The following SLX4IP variants were observed in gnomAD, a reference collection of about 807,000 sequenced individuals.
SLX4IP encodes the protein protein SLX4IP.
Under a neutral mutation model 32.9 loss-of-function variants are expected in SLX4IP, and 34 were observed. The observed-to-expected ratio is 1.03, with a 90% confidence interval of 0.79 to 1.38. SLX4IP has a LOEUF of 1.38. Ranked by LOEUF, SLX4IP falls within the 40% of genes most tolerant of loss-of-function variation. The pLI is 0.00. For synonymous variants in SLX4IP, 172 were observed against 171.7 expected (o/e 1.00, Z -0.01); for missense variants, 444 against 479.0 (o/e 0.93, Z 0.68).
intron 2 of SLX4IP, among the ~76,000 whole-genome samples, chr20:10,488,058 T>C (rs1276000133): frequency 2.9e-5 from 3 of 103,088 alleles, no homozygotes; most frequent in Admixed American, 1.0e-4. Context: ...CTGTCATGCA[T>C]TGGGAGACCT....
intron 2 of SLX4IP, among the ~76,000 whole-genome samples, chr20:10,545,679 T>A (rs2066156327): frequency 6.6e-6 from 1 of 152,168 alleles, no homozygotes; most frequent in Non-Finnish European, 1.5e-5. Flanking sequence ...TTATTTTACC[T>A]ATAAACAAAT....
chr20:10,491,759 C>T (rs1039328658), intron 2 of SLX4IP, among the ~76,000 whole-genome samples: 5 of 152,096 alleles, frequency 3.3e-5, no homozygotes, highest in Non-Finnish European at 7.4e-5. Context: ...CATTGTTCAA[C>T]GTAATAGTAT....
rs1198456634 is a variant in SLX4IP at position 10,556,320 on chromosome 20, G to A, written c.117G>A (p.Glu39=). ...GCTGGTTTTCTGAACAGAAGAAAGA[G>A]GTACAACAAAACTTTCTACTATTTA... The part of the protein sequence containing the change: ...DTSWFSEQKK[E]EVCLLLKETI... Residue 39 remains glutamate, a splice_region_variant and synonymous_variant, in exon 3 of 8, where the codon GAG becomes GAA. Coordinates refer to ENST00000334534, the MANE Select transcript of SLX4IP (RefSeq NM_001009608.3). 6.2e-7 allele frequency: 1 copy of A among 1,611,798 alleles called. No homozygotes were observed. Among genetic ancestry groups the A allele is most frequent in the Non-Finnish European group, 8.5e-7 (1 of 1,179,290 alleles).
chr20:10,471,462 G>A (rs139244763), intron 2 of SLX4IP, among the ~76,000 whole-genome samples: 2,184 of 152,352 alleles, frequency 0.014, 13 homozygotes, highest in Non-Finnish European at 0.023. Flanking sequence ...GATGAGCCCA[G>A]TAATTTTTTT....
At chr20:10,511,450 G>A (rs371364553) in intron 2 of SLX4IP, among the ~76,000 whole-genome samples, 3 of 152,322 alleles carry the variant, frequency 2.0e-5, no homozygotes, top group Non-Finnish European at 4.4e-5. Context: ...ACAGTAAGGC[G>A]ATCAGGCTTT....
chr20:10,450,603 A>T (rs1453971441), intron 1 of SLX4IP, among the ~76,000 whole-genome samples: 2 of 152,254 alleles, frequency 1.3e-5, no homozygotes, highest in Non-Finnish European at 2.9e-5. Context: ...GTTTGGATAA[A>T]GATATTTTTG....
chr20:10,561,980 G>A lies in SLX4IP; in HGVS notation c.238+1160G>A, dbSNP rs575255907. 3.9e-5 allele frequency among the ~76,000 whole-genome samples: 6 copies of A among 152,238 alleles called. No homozygotes were observed. The East Asian group carries it at 5.8e-4, about 15-fold the overall frequency. On this transcript the variant is annotated intron_variant, in intron 4 of 7. Coordinates refer to ENST00000334534, the MANE Select transcript of SLX4IP (RefSeq NM_001009608.3). ...GGGCGTGGGATGGGGATGTGTCATC[G>A]GTGCCCTGCGGCTCAACCCTTAGGG...
At chr20:10,491,453 G>A (rs941760507) in intron 2 of SLX4IP, among the ~76,000 whole-genome samples, 2 of 152,216 alleles carry the variant, frequency 1.3e-5, no homozygotes, top group Non-Finnish European at 2.9e-5. Context: ...GTGTGGAGAA[G>A]CATTAAAGTC....
At chr20:10,614,053 T>C in intron 6 of SLX4IP, 1 of 1,517,010 alleles carries the variant, frequency 6.6e-7, no homozygotes, top group South Asian at 1.2e-5. Flanking sequence ...AAGCAGCGGG[T>C]GGCGTCCTCC....
chr20:10,529,710 T>C (rs941874561), intron 2 of SLX4IP, among the ~76,000 whole-genome samples: 14 of 151,838 alleles, frequency 9.2e-5, no homozygotes, highest in South Asian at 6.2e-4. Flanking sequence ...ACCAAAATCA[T>C]TGAAGGTTCA....
intron 6 of SLX4IP, among the ~76,000 whole-genome samples, chr20:10,618,900 A>G (rs7275024): frequency 0.11 from 14,006 of 125,178 alleles, 890 homozygotes; most frequent in South Asian, 0.3. Context: ...CCCAGGTGAT[A>G]GCTGCTTCCT....
At chr20:10,519,040 T>C (rs1465677142) in intron 2 of SLX4IP, among the ~76,000 whole-genome samples, 1 of 152,222 alleles carries the variant, frequency 6.6e-6, no homozygotes, top group African/African-American at 2.4e-5. Context: ...ATGAAAAATG[T>C]GCTTTATTGA....
chr20:10,612,822 G>A (rs1362912735), intron 6 of SLX4IP: 2 of 153,410 alleles, frequency 1.3e-5, no homozygotes, highest in African/African-American at 4.8e-5. Flanking sequence ...TTACAGGCAT[G>A]AGCCACAACG....
In SLX4IP at chr20:10,587,152, G is replaced by A. The variant is rs1206847645; in HGVS notation, c.239-11523G>A. On this transcript the variant is annotated intron_variant, in intron 4 of 7. Coordinates refer to ENST00000334534, the MANE Select transcript of SLX4IP (RefSeq NM_001009608.3). ...AGCAGAAATCCTAAACTAAATATTAGCAAGCTAAATTTGGCAATATAGAAA... is the reference window on the plus strand; with the variant it reads ...AGCAGAAATCCTAAACTAAATATTAACAAGCTAAATTTGGCAATATAGAAA... 2.0e-5 allele frequency among the ~76,000 whole-genome samples: 3 copies of A among 152,036 alleles called. No homozygotes were observed. In the East Asian group the frequency reaches 5.8e-4, roughly 29 times the overall value.
intron 2 of SLX4IP, among the ~76,000 whole-genome samples, chr20:10,508,179 G>T (rs1393812888): frequency 6.6e-6 from 1 of 152,214 alleles, no homozygotes; most frequent in Non-Finnish European, 1.5e-5. Context: ...CACCTGGCCG[G>T]AGTCAGCCAG....
chr20:10,534,420 GA>G (rs980923706), intron 2 of SLX4IP, among the ~76,000 whole-genome samples: 1 of 152,158 alleles, frequency 6.6e-6, no homozygotes, highest in African/African-American at 2.4e-5. Flanking sequence ...ACAGAAGCAG[GA>G]AAAATTGCAA....
Position 10,556,306 on chromosome 20 carries a change from G to T in SLX4IP, c.103G>T (p.Glu35Ter). 2 of 1,613,086 alleles carry T rather than the reference G, an allele frequency of 1.2e-6. No homozygotes were observed. Among genetic ancestry groups the T allele is most frequent in the South Asian group, 2.2e-5 (2 of 90,768 alleles). Reference protein sequence around the residue: ...GSNKDTSWFSEQKKEEVCLLL... With the variant: ...GSNKDTSWFS The stretch of plus-strand genomic sequence containing the variant: ...AAACAAAGATACAAGCTGGTTTTCT[G>T]AACAGAAGAAAGAGGTACAACAAAA... The change falls in exon 3 of 8, where the codon GAA becomes TAA. Residue 35 changes from glutamate (E) to a stop codon, truncating the protein, a stop_gained. Transcript: ENST00000334534. LOFTEE classifies it high-confidence loss of function.
intron 2 of SLX4IP, among the ~76,000 whole-genome samples, chr20:10,506,906 T>C (rs1053912983): frequency 2.6e-5 from 4 of 152,222 alleles, no homozygotes; most frequent in East Asian, 1.9e-4. Flanking sequence ...GATTGACAAA[T>C]AAAAATTGCA....
At chr20:10,447,703 AGTTTTT>A (rs2065212638) in intron 1 of SLX4IP, among the ~76,000 whole-genome samples, 1 of 149,088 alleles carries the variant, frequency 6.7e-6, no homozygotes, top group Non-Finnish European at 1.5e-5. Flanking sequence ...TTTCTTCTTT[AGTTTTT>A]GTTTTTGTGT....
Sources: gnomAD v4.1 joint callset for allele counts (sites outside exome capture counted in the v4.1 genomes callset) on GRCh38, gnomAD v4.1.1 for gene constraint, MANE v1.5 for transcripts, NCBI Gene and HGNC (gene_info 2026-07-23, HGNC 2026-07-21) for gene names.